Variants in ORM1 observed in about 807,000 individuals in gnomAD.
ORM1 encodes the protein orosomucoid 1.
ORM1 carries 13 observed loss-of-function variants against 26.9 expected under a neutral mutation model. The observed-to-expected ratio is 0.48, with a 90% CI of 0.31 to 0.77. The LOEUF (loss-of-function observed/expected upper bound fraction) is 0.77. ORM1 is among the 30% of genes least tolerant of loss of function. The pLI is 0.04. For missense variants in ORM1, 189 were observed against 246.8 expected (o/e 0.77, Z 1.57); for synonymous variants, 76 against 102.2 (o/e 0.74, Z 1.55).
intron 5 of ORM1, among the ~76,000 whole-genome samples, chr9:114,325,830 T>A (rs1420268149): frequency 6.6e-6 from 1 of 152,042 alleles, no homozygotes; most frequent in East Asian, 1.9e-4. Flanking sequence ...AACTACCTCC[T>A]GCCCCCATCT....
chr9:114,323,277 C>A, intron 1 of ORM1, 30 bp downstream of exon 1: 1 of 1,612,206 alleles, frequency 6.2e-7, no homozygotes, highest in East Asian at 2.2e-5. Flanking sequence ...CTGTCCTGAG[C>A]ACATGGGCAG....
At position 114,325,144 on chromosome 9, in the gene ORM1, T is replaced by G. The variant is rs750302657; in HGVS notation, c.532T>G (p.Trp178Gly). ...CAAGTCAGATGTCGTGTACACCGAT[T>G]GGAAAAAGGTAAACGCAAGGGATTG... is the stretch of plus-strand genomic sequence containing the variant. ...IPKSDVVYTD[W>G]KKDKCEPLEK... is the part of the protein sequence containing the mutation. Residue 178 changes from tryptophan to glycine, a missense_variant, in exon 5 of 6, where the codon TGG (tryptophan) becomes GGG (glycine). By Grantham distance (184) the Trp-to-Gly change is radical (BLOSUM62 -2). This residue lies in a region of ORM1 where 163 missense variants were observed against 157.7 expected (regional missense o/e 1.03). Coordinates refer to ENST00000259396, the MANE Select transcript of ORM1 (RefSeq NM_000607.4). 1.2e-6 allele frequency: 2 copies of G among 1,613,818 alleles called. No individual in the cohort carries two copies. Among genetic ancestry groups the G allele is most frequent in the Non-Finnish European group, 8.5e-7 (1 of 1,179,830 alleles).
intron 3 of ORM1, among the ~76,000 whole-genome samples, chr9:114,324,385 G>A (rs1447149268): frequency 6.6e-6 from 1 of 151,990 alleles, no homozygotes; most frequent in African/African-American, 2.4e-5. Flanking sequence ...CCCTCTTTAA[G>A]ATCCTTTGCA....
rs1829728071 is a variant in ORM1 at position 114,324,040 on chromosome 9, A to T, written c.280A>T (p.Thr94Ser). 7 of 1,613,926 alleles carry T rather than the reference A, an allele frequency of 4.3e-6. No individual in the cohort carries two copies. Among genetic ancestry groups the T allele is most frequent in the Non-Finnish European group, 3.4e-6 (4 of 1,179,992 alleles). Residue 94 changes from threonine (T) to serine (S), a missense_variant, in exon 3 of 6, where the codon ACC becomes TCC. This residue lies in a region of ORM1 where 163 missense variants were observed against 157.7 expected (regional missense o/e 1.03). Coordinates refer to ENST00000259396, the MANE Select transcript of ORM1 (RefSeq NM_000607.4). ...TAGACAGGACCAGTGCATCTATAAC[A>T]CCACCTACCTGAATGTCCAGCGGGA... ...QTRQDQCIYN[T>S]TYLNVQRENG...
chr9:114,326,053 T>TA (rs1334943687), intron 5 of ORM1, among the ~76,000 whole-genome samples: 1 of 150,200 alleles, frequency 6.7e-6, no homozygotes, highest in Admixed American at 6.6e-5. Flanking sequence ...AAGTGCACAG[T>TA]AAATGCCAGT....
chr9:114,325,746 T>C (rs1254710227), intron 5 of ORM1, among the ~76,000 whole-genome samples: 1 of 152,320 alleles, frequency 6.6e-6, no homozygotes, highest in Admixed American at 6.5e-5. Context: ...AATATATACA[T>C]GCAGTACTTC....
intron 3 of ORM1, 77 bp from the exon 4 acceptor site, chr9:114,324,713 C>A (rs1246047378): frequency 8.2e-7 from 1 of 1,213,050 alleles, no homozygotes. Context: ...ACTGACACAC[C>A]TAGGCCTCCT....
At chr9:114,324,713 C>T in intron 3 of ORM1, 77 bp from the exon 4 acceptor site, 1 of 1,213,054 alleles carries the variant, frequency 8.2e-7, no homozygotes, top group Non-Finnish European at 1.2e-6. Flanking sequence ...ACTGACACAC[C>T]TAGGCCTCCT....
At chr9:114,325,926 TG>T (rs1368435857) in intron 5 of ORM1, among the ~76,000 whole-genome samples, 1 of 152,110 alleles carries the variant, frequency 6.6e-6, no homozygotes, top group Non-Finnish European at 1.5e-5. Context: ...CCCCACTGTC[TG>T]GCTAGGGAGC....
intron 3 of ORM1, 146 bp downstream of exon 3, chr9:114,324,234 C>T: frequency 1.2e-6 from 1 of 811,514 alleles, no homozygotes; most frequent in Non-Finnish European, 2.0e-6. Context: ...TGCTCAGAAA[C>T]AACTCTAAGA....
intron 3 of ORM1, 40 bp from the exon 4 acceptor site, chr9:114,324,750 C>A: frequency 6.7e-7 from 1 of 1,496,886 alleles, no homozygotes; most frequent in Non-Finnish European, 9.3e-7. Context: ...ACCATTGTGC[C>A]ATCCCATGTT....
At chr9:114,326,143 C>T (rs1829765355) in intron 5 of ORM1, 149 bp from the exon 6 acceptor site, 4 of 662,084 alleles carry the variant, frequency 6.0e-6, no homozygotes, top group African/African-American at 1.9e-5. Context: ...CCCAAGATCA[C>T]CCAGCTGGGA....
At chr9:114,323,974 T>G (rs1463749417) in intron 2 of ORM1, 44 bp from the exon 3 acceptor site, 3 of 1,609,906 alleles carry the variant, frequency 1.9e-6, no homozygotes, top group African/African-American at 2.7e-5. Context: ...TGGCCACTTC[T>G]CAATAATCTT....
rs757338562 is a variant in ORM1 at position 114,323,265 on chromosome 9, C to T, written c.114+18C>T. On this transcript the variant is annotated intron_variant, in intron 1 of 5. Transcript: ENST00000259396. Reference sequence around the variant, plus strand: ...TGGACCGGGTGAGTGCCTGGGCTAGCCCTGTCCTGAGCACATGGGCAGCTG... The same window carrying T: ...TGGACCGGGTGAGTGCCTGGGCTAGTCCTGTCCTGAGCACATGGGCAGCTG... 2.9e-5 allele frequency: 47 copies of T among 1,609,486 alleles called. No individual in the cohort carries two copies. Among genetic ancestry groups the T allele is most frequent in the Middle Eastern group, 1.6e-4 (1 of 6,072 alleles).
rs781472246 is a variant in ORM1, at chr9:114,323,194, C to A, written c.61C>A (p.Pro21Thr). ...SLLPLLEAQI[P>T]LCANLVPVPI... The stretch of plus-strand genomic sequence containing the variant: ...CCTACCTCTGCTGGAAGCCCAGATC[C>A]CATTGTGTGCCAACCTAGTACCGGT... Residue 21 changes from proline (P) to threonine (T), a missense_variant, in exon 1 of 6, where the codon CCA becomes ACA. By Grantham distance (38) the Pro-to-Thr change is conservative. Transcript: ENST00000259396. 1 of 1,579,746 alleles carries A rather than the reference C, an allele frequency of 6.3e-7. No homozygotes were observed. The highest frequency in any genetic ancestry group is 8.6e-7 in the Non-Finnish European group (1 of 1,158,220).
intron 5 of ORM1, among the ~76,000 whole-genome samples, chr9:114,325,713 G>A (rs1169444435): frequency 1.3e-5 from 2 of 152,184 alleles, no homozygotes; most frequent in East Asian, 1.9e-4. Flanking sequence ...TCACAGCACC[G>A]ATGAGCTGGT....
At position 114,324,015 on chromosome 9, in the gene ORM1, T is replaced by C. The variant is rs80016484; in HGVS notation, c.258-3T>C. 1.0e-4 allele frequency: 166 copies of C among 1,613,992 alleles called. No individual in the cohort carries two copies. The highest frequency in any genetic ancestry group is 1.4e-4 in the Non-Finnish European group (160 of 1,179,936). On this transcript the variant is annotated splice_polypyrimidine_tract_variant and splice_region_variant and intron_variant, in intron 2 of 5. Coordinates refer to ENST00000259396, the MANE Select transcript of ORM1 (RefSeq NM_000607.4). ...TTTCCTTCCGCCTTCTGTTTGGCTT[T>C]AGACAGGACCAGTGCATCTATAACA...
intron 5 of ORM1, 42 bp downstream of exon 5, chr9:114,325,194 C>T: frequency 3.2e-6 from 5 of 1,576,428 alleles, no homozygotes; most frequent in South Asian, 2.2e-5. Flanking sequence ...TGTCCATGGC[C>T]CAACTTGGGC....
At chr9:114,324,536 T>C (rs529867361) in intron 3 of ORM1, among the ~76,000 whole-genome samples, 2 of 152,262 alleles carry the variant, frequency 1.3e-5, no homozygotes, top group Non-Finnish European at 2.9e-5. Flanking sequence ...CTGGGCCTCA[T>C]TTTCCTCATC....
Sources: allele counts gnomAD v4.1 joint callset (sites outside exome capture counted in the v4.1 genomes callset), GRCh38; gene constraint gnomAD v4.1.1; regional missense constraint gnomAD v4.1.1; transcripts MANE v1.5; gene names NCBI Gene and HGNC (gene_info 2026-07-23, HGNC 2026-07-21).